CCDC39: variants seen among roughly 807,000 people sequenced by gnomAD.
CCDC39 encodes coiled-coil domain-containing protein 39.
CCDC39 carries 113 observed loss-of-function variants against 121.0 expected under a neutral mutation model. The observed-to-expected ratio is 0.93, with a 90% CI of 0.80 to 1.09. CCDC39 has a LOEUF of 1.09. Ranked by LOEUF, CCDC39 falls within the 50% of genes least tolerant of loss-of-function variation. The pLI is 0.00. For synonymous variants in CCDC39, 349 were observed against 352.2 expected, an observed-to-expected ratio of 0.99 and a Z score of 0.10; for missense variants, 1,063 against 1,074.7, an observed-to-expected ratio of 0.99 and a Z score of 0.15.
intron 1 of CCDC39, among the ~76,000 whole-genome samples, chr3:180,670,108 G>A (rs1201852487): frequency 6.6e-6 from 1 of 151,894 alleles, no homozygotes; most frequent in South Asian, 2.1e-4. Context: ...TTAAAAACAT[G>A]TTCTAATGCA....
intron 1 of CCDC39, among the ~76,000 whole-genome samples, chr3:180,667,056 G>A (rs1711896704): frequency 6.6e-6 from 1 of 151,898 alleles, no homozygotes; most frequent in Admixed American, 6.6e-5. Context: ...TTTAAAAAAG[G>A]TAAACTACAA....
chr3:180,666,327 T>C (rs1291602973), intron 1 of CCDC39, among the ~76,000 whole-genome samples: 2 of 152,200 alleles, frequency 1.3e-5, no homozygotes, highest in Non-Finnish European at 2.9e-5. Context: ...TGATCCACTC[T>C]TGTAAATGTT....
At chr3:180,657,296 CAGG>C (rs1711606071) in intron 6 of CCDC39, among the ~76,000 whole-genome samples, 1 of 152,152 alleles carries the variant, frequency 6.6e-6, no homozygotes. Context: ...ACAGCACAAT[CAGG>C]AGATGTCAAC....
At chr3:180,670,065 A>AT (rs1268419980) in intron 1 of CCDC39, among the ~76,000 whole-genome samples, 9 of 151,998 alleles carry the variant, frequency 5.9e-5, no homozygotes, top group East Asian at 5.8e-4. Context: ...GTTCTTATGG[A>AT]TTTTTTCTCC....
At chr3:180,627,969 A>AT (rs1348062673) in intron 14 of CCDC39, among the ~76,000 whole-genome samples, 2 of 152,222 alleles carry the variant, frequency 1.3e-5, no homozygotes, top group Non-Finnish European at 2.9e-5. Context: ...TGGTATCCTT[A>AT]TTAAAATGGG....
intron 11 of CCDC39, among the ~76,000 whole-genome samples, chr3:180,645,953 G>A (rs933952960): frequency 1.3e-5 from 2 of 151,998 alleles, no homozygotes; most frequent in African/African-American, 4.8e-5. Flanking sequence ...AAGAAACAAA[G>A]TCATACCTCT....
intron 3 of CCDC39, among the ~76,000 whole-genome samples, chr3:180,661,282 C>T (rs1030236441): frequency 7.3e-5 from 11 of 151,724 alleles, no homozygotes; most frequent in African/African-American, 2.7e-4. Context: ...AAAACAGAGA[C>T]AACTATATAA....
intron 6 of CCDC39, among the ~76,000 whole-genome samples, chr3:180,656,721 G>A (rs1711589075): frequency 1.4e-5 from 2 of 143,718 alleles, no homozygotes; most frequent in Admixed American, 1.4e-4. Flanking sequence ...AAAGAAACCA[G>A]CTAAAACCCC....
intron 11 of CCDC39, among the ~76,000 whole-genome samples, chr3:180,645,743 C>A (rs1041002921): frequency 6.6e-6 from 1 of 152,086 alleles, no homozygotes; most frequent in Admixed American, 6.6e-5. Flanking sequence ...TTCATAATGA[C>A]CAAAGGCTAA....
chr3:180,674,757 T>G (rs1441745656), intron 1 of CCDC39, among the ~76,000 whole-genome samples: 1 of 152,220 alleles, frequency 6.6e-6, no homozygotes, highest in Non-Finnish European at 1.5e-5. Context: ...TTGTCTTTGG[T>G]TCTGTTTATA....
At chr3:180,648,080 CTTT>C in intron 10 of CCDC39, 82 bp downstream of exon 10, 1 of 1,119,926 alleles carries the variant, frequency 8.9e-7, no homozygotes, top group Non-Finnish European at 1.3e-6. Flanking sequence ...GCTTATAATT[CTTT>C]GTTTTCTTAG....
At position 180,661,848 on chromosome 3, in the gene CCDC39, T is replaced by C. The variant is rs1364723153; in HGVS notation, c.357+13A>G. ...CAGTAGCACAGAATTTTAAGTAATA[T>C]TTCAACATATACTTCTTTATCACTT... On this transcript the variant is annotated intron_variant, in intron 3 of 19. Coordinates refer to ENST00000476379, the MANE Select transcript of CCDC39 (RefSeq NM_181426.2). The C allele has an allele frequency of 3.2e-6, 5 of 1,567,500 alleles. No individual in the cohort carries two copies. Among genetic ancestry groups the C allele is most frequent in the Non-Finnish European group, 4.3e-6 (5 of 1,154,096 alleles).
rs2108402772 is a variant in CCDC39, at chr3:180,614,802, T to C, written c.*119A>G. 2 of 872,516 alleles carry C rather than the reference T, an allele frequency of 2.3e-6. No homozygotes were observed. The highest frequency in any genetic ancestry group is 2.0e-5 in the South Asian group (1 of 50,318). The allele number at this position is 872,516 out of a possible 1,614,324, so 54.0% of individuals were successfully genotyped here. A position where few individuals can be genotyped will look rare whatever the true frequency, so the allele number is the denominator to read the frequency against. On this transcript the variant is annotated 3_prime_UTR_variant, in exon 20 of 20. Transcript: ENST00000476379. ...TCCTTTTTTTTTAAAACTATCAGTT[T>C]TTACACTTACCACTAAGTTTTTACA...
intron 18 of CCDC39, 56 bp from the exon 19 acceptor site, chr3:180,616,419 A>C (rs1350167235): frequency 6.6e-7 from 1 of 1,521,426 alleles, no homozygotes; most frequent in African/African-American, 1.4e-5. Flanking sequence ...TTAGAAGATA[A>C]ATATTTTTAA....
chr3:180,658,925 A>G (rs1439961727), intron 6 of CCDC39, among the ~76,000 whole-genome samples: 1 of 152,090 alleles, frequency 6.6e-6, no homozygotes, highest in African/African-American at 2.4e-5. Context: ...CTCCTAAATT[A>G]CCTCTGAAAA....
chr3:180,678,385 C>G (rs940855729), intron 1 of CCDC39, among the ~76,000 whole-genome samples: 1 of 152,140 alleles, frequency 6.6e-6, no homozygotes, highest in African/African-American at 2.4e-5. Context: ...GCTGAGAAAA[C>G]TTTCTGTTCC....
At chr3:180,656,476 A>G (rs1421226236) in intron 6 of CCDC39, among the ~76,000 whole-genome samples, 1 of 152,206 alleles carries the variant, frequency 6.6e-6, no homozygotes, top group Non-Finnish European at 1.5e-5. Flanking sequence ...GTTTTGCAGG[A>G]AGAGGAACAA....
intron 1 of CCDC39, among the ~76,000 whole-genome samples, chr3:180,671,210 C>CA (rs67323828): frequency 0.01 from 797 of 78,140 alleles, 5 homozygotes; most frequent in Non-Finnish European, 0.015. Flanking sequence ...GACTCTGTGT[C>CA]AAAAAAAAAA....
chr3:180,677,203 T>TATACACAC (rs1553807780), intron 1 of CCDC39, among the ~76,000 whole-genome samples: 5 of 100,460 alleles, frequency 5.0e-5, no homozygotes, highest in African/African-American at 1.5e-4. Flanking sequence ...TATATATATA[T>TATACACAC]ATATATATAT....
Sources: gnomAD v4.1 joint callset for allele counts (sites outside exome capture counted in the v4.1 genomes callset) on GRCh38, gnomAD v4.1.1 for gene constraint, MANE v1.5 for transcripts, NCBI Gene and HGNC (gene_info 2026-07-23, HGNC 2026-07-21) for gene names.